The following POFUT3 variants were observed in gnomAD, a reference collection of about 807,000 sequenced individuals.
POFUT3 encodes protein O-fucosyltransferase 3.
the POFUT3 span, among the ~76,000 whole-genome samples, chr8:33,461,109 C>T: frequency 1.3e-5 from 2 of 148,902 alleles, no homozygotes; most frequent in Non-Finnish European, 3.0e-5. Context: ...AAGCAGAGAT[C>T]GTGCCACTGC....
At chr8:33,469,290 A>C in the POFUT3 span, among the ~76,000 whole-genome samples, 2 of 152,258 alleles carry the variant, frequency 1.3e-5, no homozygotes, top group African/African-American at 4.8e-5. Context: ...TGGGCTACAG[A>C]GCAAGACTCT....
chr8:33,390,296 T>A, the POFUT3 span, among the ~76,000 whole-genome samples: 1 of 151,954 alleles, frequency 6.6e-6, no homozygotes, highest in African/African-American at 2.4e-5. Flanking sequence ...CAGAAACTAC[T>A]GAGGGAGAGG....
At chr8:33,350,028 C>T in the POFUT3 span, among the ~76,000 whole-genome samples, 7 of 152,170 alleles carry the variant, frequency 4.6e-5, no homozygotes, top group South Asian at 1.2e-3. Context: ...CTTTAATTTG[C>T]ATTTCCCTGA....
chr8:33,349,300 G>T, the POFUT3 span, among the ~76,000 whole-genome samples: 2 of 152,074 alleles, frequency 1.3e-5, no homozygotes, highest in Non-Finnish European at 2.9e-5. Flanking sequence ...AATTTTTTTT[G>T]ATAGTTTTGG....
chr8:33,312,823 C>T, the POFUT3 span, among the ~76,000 whole-genome samples: 1 of 152,110 alleles, frequency 6.6e-6, no homozygotes, highest in Non-Finnish European at 1.5e-5. Context: ...TAGAAACAGC[C>T]ATCTAAGTCA....
At chr8:33,322,682 C>T in the POFUT3 span, among the ~76,000 whole-genome samples, 4 of 152,102 alleles carry the variant, frequency 2.6e-5, no homozygotes, top group Non-Finnish European at 5.9e-5. Context: ...ATCTAATCCA[C>T]TTAATGGGTC....
the POFUT3 span, among the ~76,000 whole-genome samples, chr8:33,382,984 G>T: frequency 2.4e-4 from 36 of 152,248 alleles, no homozygotes; most frequent in South Asian, 4.2e-4. Context: ...AACCCAAAAG[G>T]TAGAGCAAGT....
the POFUT3 span, among the ~76,000 whole-genome samples, chr8:33,403,564 TG>T: frequency 6.6e-6 from 1 of 151,894 alleles, no homozygotes; most frequent in African/African-American, 2.4e-5. Context: ...AAAAAATTTT[TG>T]AAGTTAGCCA....
the POFUT3 span, among the ~76,000 whole-genome samples, chr8:33,317,062 C>A: frequency 6.6e-6 from 1 of 152,000 alleles, no homozygotes; most frequent in East Asian, 1.9e-4. Context: ...AAAGGAAAAT[C>A]TTGAGTTCCT....
At chr8:33,346,945 G>A in the POFUT3 span, among the ~76,000 whole-genome samples, 31 of 152,298 alleles carry the variant, frequency 2.0e-4, no homozygotes, top group South Asian at 4.1e-3. Context: ...TTTAGTCCCT[G>A]AAGGAAATAT....
At chr8:33,435,029 C>T in the POFUT3 span, among the ~76,000 whole-genome samples, 1 of 152,138 alleles carries the variant, frequency 6.6e-6, no homozygotes, top group African/African-American at 2.4e-5. Flanking sequence ...GATCAATCAA[C>T]AACAGGAAGG....
At chr8:33,315,638 T>C in the POFUT3 span, among the ~76,000 whole-genome samples, 2 of 152,030 alleles carry the variant, frequency 1.3e-5, no homozygotes, top group African/African-American at 4.8e-5. Flanking sequence ...TGGGAACAAA[T>C]GCAAAATGAA....
the POFUT3 span, among the ~76,000 whole-genome samples, chr8:33,462,648 T>G: frequency 0.66 from 100,023 of 152,058 alleles, 33,331 homozygotes; most frequent in African/African-American, 0.74. Context: ...ACTAAATGAG[T>G]GCCAGGTACA....
At chr8:33,437,767 T>C in the POFUT3 span, among the ~76,000 whole-genome samples, 1 of 151,682 alleles carries the variant, frequency 6.6e-6, no homozygotes, top group Non-Finnish European at 1.5e-5. Context: ...GCCAAGATCA[T>C]CCGCTGCACT....
At chr8:33,354,073 C>T in the POFUT3 span, among the ~76,000 whole-genome samples, 1 of 152,058 alleles carries the variant, frequency 6.6e-6, no homozygotes, top group Non-Finnish European at 1.5e-5. Context: ...TCCCCCTCAC[C>T]TCCCGCCGAC....
At chr8:33,446,210 A>C in the POFUT3 span, among the ~76,000 whole-genome samples, 3 of 152,104 alleles carry the variant, frequency 2.0e-5, no homozygotes. Flanking sequence ...TAATCCCAGC[A>C]CTTTGGGAGG....
chr8:33,347,121 C>T, the POFUT3 span, among the ~76,000 whole-genome samples: 5 of 152,022 alleles, frequency 3.3e-5, no homozygotes, highest in African/African-American at 9.7e-5. Context: ...TGTCACCATC[C>T]GCACAAAAAC....
the POFUT3 span, among the ~76,000 whole-genome samples, chr8:33,456,336 CAA>C: frequency 1.3e-5 from 2 of 152,012 alleles, no homozygotes; most frequent in African/African-American, 4.8e-5. Context: ...TTCTGCCATA[CAA>C]CTTATTTTTT....
chr8:33,388,827 C>T, the POFUT3 span: 17 of 725,696 alleles, frequency 2.3e-5, no homozygotes, highest in Non-Finnish European at 3.8e-5. Flanking sequence ...AATATTCAAC[C>T]TTCCTGCAAA....
Sources: allele counts gnomAD v4.1 joint callset (sites outside exome capture counted in the v4.1 genomes callset), GRCh38; gene constraint gnomAD v4.1.1; transcripts MANE v1.5; gene names NCBI Gene and HGNC (gene_info 2026-07-23, HGNC 2026-07-21).